Variants in AKAP13 observed in about 807,000 individuals in gnomAD.
AKAP13 encodes A-kinase anchoring protein 13.
AKAP13 carries 80 observed loss-of-function variants against 264.5 expected under a neutral mutation model. The observed-to-expected ratio is 0.30, with a 90% CI of 0.25 to 0.36. The LOEUF (loss-of-function observed/expected upper bound fraction) is 0.36. Among genes scored for constraint, AKAP13 ranks in the 10% least tolerant of loss-of-function variants. The probability of loss-of-function intolerance (pLI) is 1.00; values close to 1 mark genes in which losing one functional copy is unlikely to be tolerated. For synonymous variants in AKAP13, 1,380 were observed against 1,250.2 expected, an observed-to-expected ratio of 1.10 and a Z score of -2.19; for missense variants, 3,712 against 3,435.2, an observed-to-expected ratio of 1.08 and a Z score of -2.01.
intron 5 of AKAP13, among the ~76,000 whole-genome samples, chr15:85,560,324 C>T (rs1415925595): frequency 6.6e-6 from 1 of 151,624 alleles, no homozygotes; most frequent in African/African-American, 2.4e-5. Context: ...TTTTTTTTTG[C>T]AAAGAGTGGG....
chr15:85,674,842 A>G (rs338517), intron 14 of AKAP13, among the ~76,000 whole-genome samples: 44,531 of 140,270 alleles, frequency 0.32, 6,688 homozygotes, highest in East Asian at 0.37. Context: ...GTGTGTGTGT[A>G]TATATATATG....
At chr15:85,642,235 A>G (rs1349052946) in intron 9 of AKAP13, among the ~76,000 whole-genome samples, 2 of 152,230 alleles carry the variant, frequency 1.3e-5, no homozygotes, top group African/African-American at 2.4e-5. Flanking sequence ...TCCTGTCACT[A>G]TGACTCCTTT....
chr15:85,595,187 C>T (rs748514122), intron 8 of AKAP13, among the ~76,000 whole-genome samples: 1 of 152,120 alleles, frequency 6.6e-6, no homozygotes, highest in Non-Finnish European at 1.5e-5. Flanking sequence ...GCAGCCTCAA[C>T]TTCCTGGGCT....
chr15:85,595,142 C>G (rs992259949), intron 8 of AKAP13, among the ~76,000 whole-genome samples: 6 of 151,926 alleles, frequency 3.9e-5, no homozygotes, highest in Admixed American at 1.3e-4. Flanking sequence ...CTTTGTTGCC[C>G]AGGTTGGAGT....
chr15:85,744,396 T>G, intron 36 of AKAP13: 1 of 528,634 alleles, frequency 1.9e-6, no homozygotes, highest in Non-Finnish European at 3.4e-6. Context: ...CCTGGCCTCT[T>G]CATAAATTCT....
intron 1 of AKAP13, among the ~76,000 whole-genome samples, chr15:85,482,145 C>T (rs1368573602): frequency 6.6e-5 from 10 of 152,180 alleles, no homozygotes; most frequent in African/African-American, 2.2e-4. Context: ...GGTTTTGCAT[C>T]AGAACCCTGA....
chr15:85,638,820 G>A (rs886735343), intron 8 of AKAP13, among the ~76,000 whole-genome samples: 3 of 151,636 alleles, frequency 2.0e-5, no homozygotes, highest in Non-Finnish European at 4.4e-5. Context: ...GCAGTGGCGC[G>A]ATCTCTGCTC....
chr15:85,625,531 AT>A (rs1404811061), intron 8 of AKAP13, among the ~76,000 whole-genome samples: 2 of 152,150 alleles, frequency 1.3e-5, no homozygotes, highest in African/African-American at 2.4e-5. Context: ...AATGAAAAAA[AT>A]GTCTGGTGGC....
At chr15:85,736,165 A>G in intron 33 of AKAP13, 31 bp downstream of exon 33, 1 of 1,530,278 alleles carries the variant, frequency 6.5e-7, no homozygotes. Flanking sequence ...TTAAGAAAAT[A>G]TGTGTTTGTT....
At chr15:85,670,508 TTG>T (rs1480933256) in intron 14 of AKAP13, among the ~76,000 whole-genome samples, 2 of 149,778 alleles carry the variant, frequency 1.3e-5, no homozygotes, top group African/African-American at 4.9e-5. Flanking sequence ...ATCGATAAAA[TTG>T]TGTTATCTAG....
rs1361124962 is a variant in AKAP13 at position 85,521,652 on chromosome 15, T to A, written c.181+77T>A. On this transcript the variant is annotated intron_variant, in intron 3 of 36. Transcript: ENST00000394518. ...TTATTCGATGTTTATGAGTATAGAG[T>A]GACAGGAAGAGTGAAGTGTAGACAG... 2.0e-6 allele frequency: 3 copies of A among 1,494,278 alleles called. No homozygotes were observed. In the Admixed American group the frequency reaches 6.2e-5, roughly 31 times the overall value. The allele number at this position is 1,494,278 out of a possible 1,614,324, so 92.6% of individuals were successfully genotyped here.
At chr15:85,678,173 T>G (rs545640446) in intron 14 of AKAP13, among the ~76,000 whole-genome samples, 3 of 152,226 alleles carry the variant, frequency 2.0e-5, no homozygotes, top group African/African-American at 7.2e-5. Flanking sequence ...ATTCCAGGAT[T>G]GCTTTTAATG....
At chr15:85,735,775 A>C in intron 32 of AKAP13, 145 bp downstream of exon 32, 1 of 921,340 alleles carries the variant, frequency 1.1e-6, no homozygotes, top group Non-Finnish European at 1.6e-6. Context: ...TCACATTTTT[A>C]AAACAAATAG....
intron 2 of AKAP13, among the ~76,000 whole-genome samples, chr15:85,509,877 G>C (rs2076361020): frequency 6.6e-6 from 1 of 152,156 alleles, no homozygotes; most frequent in Non-Finnish European, 1.5e-5. Context: ...TTAGTTTGTA[G>C]CCTCTGTCAC....
intron 1 of AKAP13, among the ~76,000 whole-genome samples, chr15:85,454,551 G>A (rs2074214960): frequency 6.6e-6 from 1 of 152,012 alleles, no homozygotes; most frequent in Non-Finnish European, 1.5e-5. Context: ...TGAAGGTGTT[G>A]TATTTACTCA....
chr15:85,574,322 G>A (rs927254904), intron 5 of AKAP13, among the ~76,000 whole-genome samples: 2 of 152,212 alleles, frequency 1.3e-5, no homozygotes, highest in African/African-American at 4.8e-5. Context: ...CAGATTATGT[G>A]TGGTATCACA....
chr15:85,685,168 G>A (rs1020082986), intron 16 of AKAP13: 5 of 244,108 alleles, frequency 2.0e-5, no homozygotes, highest in South Asian at 8.8e-5. Flanking sequence ...GTACCTTACC[G>A]AGGATACTCC....
At chr15:85,443,491 G>A (rs7176605) in intron 1 of AKAP13, among the ~76,000 whole-genome samples, 117,059 of 152,014 alleles carry the variant, frequency 0.77, 45,439 homozygotes, top group African/African-American at 0.81. Flanking sequence ...CTTCTGTGGT[G>A]TATCAGCATT....
chr15:85,588,269 A>G (rs2079441221), intron 8 of AKAP13, among the ~76,000 whole-genome samples: 1 of 152,222 alleles, frequency 6.6e-6, no homozygotes, highest in Admixed American at 6.5e-5. Flanking sequence ...TGACTGTTCT[A>G]ACCCGCCCTT....
Sources: gnomAD v4.1 joint callset for allele counts (sites outside exome capture counted in the v4.1 genomes callset) on GRCh38, gnomAD v4.1.1 for gene constraint, MANE v1.5 for transcripts, NCBI Gene and HGNC (gene_info 2026-07-23, HGNC 2026-07-21) for gene names.